The following MYOM1 variants were observed in gnomAD, a reference collection of about 807,000 sequenced individuals.
MYOM1 encodes the protein myomesin 1.
In MYOM1, 164 loss-of-function variants were observed where a neutral mutation model predicts 205.3. The observed-to-expected ratio is 0.80, with a 90% CI of 0.70 to 0.91. The LOEUF (loss-of-function observed/expected upper bound fraction) is 0.91, where lower values mean the gene tolerates loss of function less well. Among genes scored for constraint, MYOM1 ranks in the 40% least tolerant of loss-of-function variants. The pLI is 0.00. For missense variants in MYOM1, 2,011 were observed against 2,127.3 expected (o/e 0.95, Z 1.08); for synonymous variants, 772 against 789.4 (o/e 0.98, Z 0.37).
In MYOM1 at chr18:3,159,891, TTCCTTCC is replaced by T. The variant is rs2080356958; in HGVS notation, c.1501+4380_1501+4386del. On this transcript the variant is annotated intron_variant, in intron 10 of 37. Coordinates refer to ENST00000356443, the MANE Select transcript of MYOM1 (RefSeq NM_003803.4). ...TTCTTTCTTTTCCTTCCTTCCTTCC[TTCCTTCC>T]TTCCTTCCTTCCTTCCTTCCTTCCT... 1.3e-4 allele frequency among the ~76,000 whole-genome samples: 7 copies of T among 55,324 alleles called. 1 individual carries two copies. Among genetic ancestry groups the T allele is most frequent in the South Asian group, 1.2e-3 (2 of 1,710 alleles). The allele number at this position is 55,324 out of a possible 152,430, so 36.3% of individuals were successfully genotyped here.
Position 3,188,921 on chromosome 18 carries a change from T to C in MYOM1, c.598A>G (p.Lys200Glu), listed in dbSNP as rs1160208404. The C allele has an allele frequency of 1.2e-6, 2 of 1,612,038 alleles. No homozygotes were observed. Among genetic ancestry groups the C allele is most frequent in the Non-Finnish European group, 1.7e-6 (2 of 1,179,328 alleles). Residue 200 changes from lysine to glutamate, a missense_variant, in exon 4 of 38, where the codon AAG (lysine) becomes GAG (glutamate). Transcript: ENST00000356443. The part of the protein sequence containing the change: ...TTASKQSTAS[K>E]QSTASKQSTA... Reference sequence around the variant, plus strand: ...GACTGCTTGGATGCTGTGGACTGCTTGGATGCCGTGGACTGCTTAGATGCC... The same window carrying C: ...GACTGCTTGGATGCTGTGGACTGCTCGGATGCCGTGGACTGCTTAGATGCC...
rs751133841 is a variant in MYOM1 at position 3,134,825 on chromosome 18, C to T, written c.2210-1G>A. 8.1e-6 allele frequency: 13 copies of T among 1,613,926 alleles called. No homozygotes were observed. Among genetic ancestry groups the T allele is most frequent in the Non-Finnish European group, 1.0e-5 (12 of 1,179,880 alleles). ...ATTTTGCCAGGAGCCTTGGGGATAT[C>T]TGAGAAAGAGGAAAATGGTGATCAA... On this transcript the variant is annotated splice_acceptor_variant, in intron 15 of 37. Coordinates refer to ENST00000356443, the MANE Select transcript of MYOM1 (RefSeq NM_003803.4). LOFTEE classifies it high-confidence loss of function.
chr18:3,093,639 C>A (rs1301722632), intron 26 of MYOM1: 1 of 152,206 alleles, frequency 6.6e-6, no homozygotes, highest in Non-Finnish European at 1.5e-5. Context: ...CCCACCACCA[C>A]CACCAAATTA....
chr18:3,236,138 T>C, the MYOM1 span, among the ~76,000 whole-genome samples: 1 of 151,872 alleles, frequency 6.6e-6, no homozygotes, highest in African/African-American at 2.4e-5. Context: ...TCACTCAGCA[T>C]AGTCACGTAA....
intron 2 of MYOM1, among the ~76,000 whole-genome samples, chr18:3,202,027 A>G (rs1013859085): frequency 1.3e-5 from 2 of 152,186 alleles, no homozygotes; most frequent in Admixed American, 1.3e-4. Flanking sequence ...TCATAGTTGT[A>G]ATATACTTGA....
intron 25 of MYOM1, among the ~76,000 whole-genome samples, chr18:3,099,668 G>A (rs1434443221): frequency 6.6e-6 from 1 of 152,170 alleles, no homozygotes; most frequent in African/African-American, 2.4e-5. Flanking sequence ...TGTTCAGAGG[G>A]ATTCTTTTTC....
At chr18:3,245,662 G>A in the MYOM1 span, among the ~76,000 whole-genome samples, 10 of 152,164 alleles carry the variant, frequency 6.6e-5, no homozygotes, top group Non-Finnish European at 1.5e-4. Flanking sequence ...CACAATTCCT[G>A]TTCATCTTCA....
intron 3 of MYOM1, among the ~76,000 whole-genome samples, chr18:3,191,430 C>T (rs985790741): frequency 5.9e-5 from 9 of 152,152 alleles, no homozygotes; most frequent in African/African-American, 1.2e-4. Flanking sequence ...TTGTCCAAAA[C>T]GTTGATATAT....
chr18:3,087,877 G>A (rs979562336), intron 29 of MYOM1, among the ~76,000 whole-genome samples: 8 of 152,106 alleles, frequency 5.3e-5, no homozygotes, highest in Non-Finnish European at 1.2e-4. Context: ...TGAATGATTC[G>A]CTGCGCATAC....
At chr18:3,166,983 T>A (rs73375122) in intron 9 of MYOM1, among the ~76,000 whole-genome samples, 1 of 152,174 alleles carries the variant, frequency 6.6e-6, no homozygotes, top group Non-Finnish European at 1.5e-5. Flanking sequence ...GCTCTCTCCA[T>A]GACACATCTT....
intron 5 of MYOM1, among the ~76,000 whole-genome samples, chr18:3,182,915 T>TC (rs2080758436): frequency 2.7e-5 from 3 of 109,518 alleles, no homozygotes; most frequent in Admixed American, 8.1e-5. Context: ...TCTTTCTTCT[T>TC]TTTTTTTTTT....
At chr18:3,210,322 G>A (rs971398337) in intron 2 of MYOM1, among the ~76,000 whole-genome samples, 1 of 152,142 alleles carries the variant, frequency 6.6e-6, no homozygotes, top group African/African-American at 2.4e-5. Context: ...ATGTTAGTGT[G>A]GTCTTCACCA....
At chr18:3,127,776 C>G (rs1011775517) in intron 18 of MYOM1, among the ~76,000 whole-genome samples, 1 of 152,206 alleles carries the variant, frequency 6.6e-6, no homozygotes, top group African/African-American at 2.4e-5. Flanking sequence ...CAGACACAAT[C>G]TGCTATGTGA....
Position 3,071,511 on chromosome 18 carries a change from A to C in MYOM1, c.4764+323T>G, listed in dbSNP as rs551894835. 4.6e-5 allele frequency among the ~76,000 whole-genome samples: 7 copies of C among 152,234 alleles called. No individual in the cohort carries two copies. The South Asian group carries it at 1.2e-3, about 27-fold the overall frequency. On this transcript the variant is annotated intron_variant, in intron 37 of 37. Coordinates refer to ENST00000356443, the MANE Select transcript of MYOM1 (RefSeq NM_003803.4). ...ATAGCTGGGATTACAGGCACCAGCCACCACACCCAGCTAATTTTTGTATTT... is the reference window on the plus strand; with the variant it reads ...ATAGCTGGGATTACAGGCACCAGCCCCCACACCCAGCTAATTTTTGTATTT...
At chr18:3,239,616 T>C in the MYOM1 span, among the ~76,000 whole-genome samples, 1 of 150,738 alleles carries the variant, frequency 6.6e-6, no homozygotes, top group East Asian at 1.9e-4. Context: ...ATTAGCCAGG[T>C]GTAGTGGTGT....
intron 21 of MYOM1, among the ~76,000 whole-genome samples, chr18:3,113,004 T>C (rs151282874): frequency 0.017 from 2,597 of 152,260 alleles, 57 homozygotes; most frequent in South Asian, 0.081. Flanking sequence ...AATTGTGAGT[T>C]TGAATAATTT....
chr18:3,214,914 GA>G lies in MYOM1; in HGVS notation c.290+19del. ...GCCTCTTCCTGAGGTTGGAAGGTTG[GA>G]GGAGGGCGTCCGACATACCCATGGG... On this transcript the variant is annotated intron_variant, in intron 2 of 37. Coordinates refer to ENST00000356443, the MANE Select transcript of MYOM1 (RefSeq NM_003803.4). 1 of 1,560,254 alleles carries G rather than the reference GA, an allele frequency of 6.4e-7. No individual in the cohort carries two copies.
chr18:3,115,675 C>T lies in MYOM1; in HGVS notation c.3303+656G>A, dbSNP rs1251924402. Among the ~76,000 whole-genome samples, 4 of 152,118 alleles carry T rather than the reference C, an allele frequency of 2.6e-5. No individual in the cohort carries two copies. In the East Asian group the frequency reaches 5.8e-4, roughly 22 times the overall value. ...CTCCAGGTGCCACTGCTAACACTAG[C>T]GGAAAATATTCTTTCGAAATTTCCT... On this transcript the variant is annotated intron_variant, in intron 21 of 37. Transcript: ENST00000356443.
In MYOM1 at chr18:3,189,012, C is replaced by T; in HGVS notation, c.507G>A (p.Arg169=). The T allele has an allele frequency of 6.2e-7, 1 of 1,613,616 alleles. No homozygotes were observed. Among genetic ancestry groups the T allele is most frequent in the Admixed American group, 1.7e-5 (1 of 59,984 alleles). The stretch of plus-strand genomic sequence containing the variant: ...TTCCTTCCTCACTAGCAAGAAGATT[C>T]CTCTGGGCTATATAAGCAGCAGCTT... ...IKEAAAYIAQ[R]NLLASEEGIT... is the part of the protein sequence containing the mutation. The change falls in exon 4 of 38, where the codon AGG becomes AGA. Residue 169 remains arginine, a synonymous_variant. Transcript: ENST00000356443. The surrounding 1 kb of genome is among the most constrained non-coding windows in gnomAD (Gnocchi z 4.8).
Sources: gnomAD v4.1 joint callset for allele counts (sites outside exome capture counted in the v4.1 genomes callset) on GRCh38, gnomAD v4.1.1 for gene constraint, Gnocchi (gnomAD v3.1) non-coding constraint, MANE v1.5 for transcripts, NCBI Gene and HGNC (gene_info 2026-07-23, HGNC 2026-07-21) for gene names.